The following PDS5A variants were observed in gnomAD, a reference collection of about 807,000 sequenced individuals.
PDS5A encodes the protein sister chromatid cohesion protein PDS5 homolog A.
Under a neutral mutation model 167.1 loss-of-function variants are expected in PDS5A, and 42 were observed. The observed-to-expected ratio is 0.25, with a 90% CI of 0.20 to 0.33. The LOEUF (loss-of-function observed/expected upper bound fraction) is 0.33. Ranked by LOEUF, PDS5A falls within the 10% of genes least tolerant of loss-of-function variation. PDS5A has a pLI of 1.00. For missense variants in PDS5A, 1,033 were observed against 1,605.9 expected, an observed-to-expected ratio of 0.64 and a Z score of 6.10; for synonymous variants, 553 against 554.6, an observed-to-expected ratio of 1.00 and a Z score of 0.04.
At chr4:39,872,948 A>C in intron 21 of PDS5A, 38 bp downstream of exon 21, 1 of 1,267,876 alleles carries the variant, frequency 7.9e-7, no homozygotes, top group South Asian at 1.8e-5. Flanking sequence ...AACAGCCTTA[A>C]TCTCATGATT....
At chr4:39,906,824 T>G (rs1723392840) in intron 11 of PDS5A, among the ~76,000 whole-genome samples, 1 of 151,040 alleles carries the variant, frequency 6.6e-6, no homozygotes, top group African/African-American at 2.4e-5. Context: ...AATTTTTTTG[T>G]ATCATTTTCT....
chr4:39,833,037 T>C (rs1213364834), intron 32 of PDS5A, among the ~76,000 whole-genome samples: 2 of 146,804 alleles, frequency 1.4e-5, no homozygotes, highest in Non-Finnish European at 3.0e-5. Flanking sequence ...AATATATATA[T>C]AAAATTAGCT....
At chr4:39,904,622 G>A (rs950306333) in intron 11 of PDS5A, among the ~76,000 whole-genome samples, 2 of 152,160 alleles carry the variant, frequency 1.3e-5, no homozygotes, top group Non-Finnish European at 2.9e-5. Context: ...GTGAGCCACC[G>A]CGCCCAGCCT....
Position 39,977,558 on chromosome 4 carries a change from T to TCCCGCCGCCGCCGCCGCCGCCGCCCGC in PDS5A, c.-169_-143dup, listed in dbSNP as rs1731238636. 6.6e-6 allele frequency: 1 copy of TCCCGCCGCCGCCGCCGCCGCCGCCCGC among 151,716 alleles called. No homozygotes were observed. Among genetic ancestry groups the TCCCGCCGCCGCCGCCGCCGCCGCCCGC allele is most frequent in the Non-Finnish European group, 1.4e-5 (1 of 71,264 alleles). 9.4% of individuals were successfully genotyped at this position (151,716 alleles called of 1,614,324 possible). A position where few individuals can be genotyped will look rare whatever the true frequency, so the allele number is the denominator to read the frequency against. ...GCTGCACACAAAGCGGCTCCGCGGG[T>TCCCGCCGCCGCCGCCGCCGCCGCCCGC]CCCGCCGCCGCCGCCGCCGCCGCCC... On this transcript the variant is annotated 5_prime_UTR_variant, in exon 1 of 33. Transcript: ENST00000303538. The surrounding 1 kb of genome is among the most constrained non-coding windows in gnomAD (Gnocchi z 4.2).
At chr4:39,905,135 T>C (rs950121802) in intron 11 of PDS5A, among the ~76,000 whole-genome samples, 1 of 151,802 alleles carries the variant, frequency 6.6e-6, no homozygotes, top group Non-Finnish European at 1.5e-5. Flanking sequence ...TCCTAGTAAA[T>C]CTAAAATTGT....
intron 32 of PDS5A, among the ~76,000 whole-genome samples, chr4:39,831,818 G>T (rs1346558979): frequency 7.2e-6 from 1 of 139,324 alleles, no homozygotes; most frequent in Non-Finnish European, 1.5e-5. Flanking sequence ...GGAGGTTGCG[G>T]TGAGCCGAGA....
At chr4:39,906,599 T>A in intron 11 of PDS5A, among the ~76,000 whole-genome samples, 1 of 146,326 alleles carries the variant, frequency 6.8e-6, no homozygotes, top group African/African-American at 2.5e-5. Flanking sequence ...TAAAAAAAAA[T>A]CTGTGTATTA....
chr4:39,878,543 G>C (rs1720668815), intron 18 of PDS5A, among the ~76,000 whole-genome samples: 1 of 151,952 alleles, frequency 6.6e-6, no homozygotes. Context: ...CTTGCAGTGA[G>C]CCGAGATCAT....
intron 32 of PDS5A, among the ~76,000 whole-genome samples, chr4:39,836,013 C>A (rs1716349544): frequency 6.6e-6 from 1 of 152,260 alleles, no homozygotes; most frequent in East Asian, 1.9e-4. Context: ...TTTTGTATAA[C>A]TGAAAATGTA....
Position 39,842,037 on chromosome 4 carries a change from C to T in PDS5A, c.3568G>A (p.Ala1190Thr). 6.2e-7 allele frequency: 1 copy of T among 1,605,250 alleles called. No homozygotes were observed. Among genetic ancestry groups the T allele is most frequent in the Non-Finnish European group, 8.5e-7 (1 of 1,172,026 alleles). ...TCATTTTCACTAACTCCAGTTTCTG[C>T]TGCCTCTGAACTCTGTTCCCTGTTT... ...NRSREQSSEA[A>T]ETGVSENEEN... The change falls in exon 31 of 33, where the codon GCA becomes ACA. Residue 1190 changes from alanine to threonine, a missense_variant. Ala to Thr is a moderately conservative substitution (Grantham distance 58). This residue lies in a region of PDS5A where 233 missense variants were observed against 264.0 expected (regional missense o/e 0.88). Transcript: ENST00000303538.
chr4:39,907,715 T>C (rs1433344302), intron 11 of PDS5A, among the ~76,000 whole-genome samples: 15 of 151,848 alleles, frequency 9.9e-5, no homozygotes, highest in Non-Finnish European at 1.2e-4. Flanking sequence ...GCCTCCCGAG[T>C]AGCTGGGCCT....
intron 2 of PDS5A, among the ~76,000 whole-genome samples, chr4:39,939,646 TAGTC>T (rs1459802648): frequency 6.6e-6 from 1 of 151,698 alleles, no homozygotes; most frequent in Admixed American, 6.6e-5. Flanking sequence ...ATACAACAAT[TAGTC>T]AGGCATGGTG....
chr4:39,904,129 A>G lies in PDS5A; in HGVS notation c.1296T>C (p.His432=), dbSNP rs1303123937. ...LAQLYKKYCL[H]GEAGKEAAEK... is the part of the protein sequence containing the mutation. ...CTGCAGCTTCCTTTCCTGCTTCACC[A>G]TGAAGACAGTATTTCTTATAAAGCT... is the stretch of plus-strand genomic sequence containing the variant. The change falls in exon 12 of 33, where the codon CAT becomes CAC. Residue 432 remains histidine, a synonymous_variant. Transcript: ENST00000303538. The G allele has an allele frequency of 6.2e-7, 1 of 1,612,150 alleles. No individual in the cohort carries two copies. The highest frequency in any genetic ancestry group is 1.7e-5 in the Admixed American group (1 of 59,928).
chr4:39,847,660 CATT>C (rs950014660), intron 28 of PDS5A: 1 of 152,072 alleles, frequency 6.6e-6, no homozygotes, highest in African/African-American at 2.4e-5. Flanking sequence ...TGCAAATTCT[CATT>C]ATTTCTATCA....
chr4:39,848,770 C>A (rs976072867), intron 28 of PDS5A, 81 bp downstream of exon 28: 3 of 1,267,722 alleles, frequency 2.4e-6, no homozygotes, highest in Non-Finnish European at 3.4e-6. Flanking sequence ...CAAGACAATT[C>A]AATATTTGCC....
At position 39,900,456 on chromosome 4, in the gene PDS5A, G is replaced by T; in HGVS notation, c.1551C>A (p.Arg517=). ...KCQNMLRSHV[R]ELLDLHKQPT... The stretch of plus-strand genomic sequence containing the variant: ...GCTGCTTGTGCAAATCCAATAGTTC[G>T]CGTACATGGCTCCGAAGCATGTTCT... The change falls in exon 14 of 33, where the codon CGC becomes CGA. Residue 517 remains arginine, a synonymous_variant. Transcript: ENST00000303538. 5 of 1,583,712 alleles carry T rather than the reference G, an allele frequency of 3.2e-6. No individual in the cohort carries two copies. The highest frequency in any genetic ancestry group is 4.3e-6 in the Non-Finnish European group (5 of 1,162,948).
chr4:39,924,752 AG>A (rs1349071518), intron 5 of PDS5A, among the ~76,000 whole-genome samples: 1 of 152,218 alleles, frequency 6.6e-6, no homozygotes, highest in Non-Finnish European at 1.5e-5. Context: ...AACTTATGTG[AG>A]GTATGTTTGC....
In PDS5A at chr4:39,879,853, T is replaced by C; in HGVS notation, c.1887-20A>G. 1 of 1,372,806 alleles carries C rather than the reference T, an allele frequency of 7.3e-7. No individual in the cohort carries two copies. Among genetic ancestry groups the C allele is most frequent in the Non-Finnish European group, 1.0e-6 (1 of 961,192 alleles). The allele number at this position is 1,372,806 out of a possible 1,614,324, so 85.0% of individuals were successfully genotyped here. On this transcript the variant is annotated intron_variant, in intron 17 of 32. Transcript: ENST00000303538. ...AGTGCACTATAAAAAGAAGAAAATATAAATCAGTAACCACTGTAGTAGTAA... is the reference window on the plus strand; with the variant it reads ...AGTGCACTATAAAAAGAAGAAAATACAAATCAGTAACCACTGTAGTAGTAA...
intron 2 of PDS5A, among the ~76,000 whole-genome samples, chr4:39,963,566 C>T (rs975797192): frequency 1.1e-4 from 16 of 152,112 alleles, no homozygotes; most frequent in African/African-American, 3.9e-4. Flanking sequence ...AAACGGTTGA[C>T]TGGGCACAGT....
Sources: allele counts gnomAD v4.1 joint callset (sites outside exome capture counted in the v4.1 genomes callset), GRCh38; gene constraint gnomAD v4.1.1; regional missense constraint gnomAD v4.1.1; non-coding constraint Gnocchi (gnomAD v3.1); transcripts MANE v1.5; gene names NCBI Gene and HGNC (gene_info 2026-07-23, HGNC 2026-07-21).